WDR70: variants seen among roughly 807,000 people sequenced by gnomAD.
WDR70 encodes the protein WD repeat-containing protein 70.
In WDR70, 53 loss-of-function variants were observed where a neutral mutation model predicts 88.6. That is an observed-to-expected ratio of 0.60 (90% CI 0.48 to 0.75). The LOEUF (loss-of-function observed/expected upper bound fraction) is 0.75, where lower values mean the gene tolerates loss of function less well. Ranked by LOEUF, WDR70 falls within the 30% of genes least tolerant of loss-of-function variation. WDR70 has a pLI of 0.00. For missense variants in WDR70, 610 were observed against 823.2 expected (o/e 0.74, Z 3.17); for synonymous variants, 280 against 270.0 (o/e 1.04, Z -0.36).
At chr5:37,647,028 T>G (rs1259787884) in intron 10 of WDR70, among the ~76,000 whole-genome samples, 1 of 152,220 alleles carries the variant, frequency 6.6e-6, no homozygotes. Flanking sequence ...GGCTGTTTTC[T>G]AGATCTTATA....
rs368692970 is a variant in WDR70, at chr5:37,650,294, A to G, written c.1092+45056A>G. Among the ~76,000 whole-genome samples the G allele has an allele frequency of 1.4e-3, 219 of 151,876 alleles. 3 individuals are homozygous for G. Among genetic ancestry groups the G allele is most frequent in the African/African-American group, 5.1e-3 (211 of 41,456 alleles). The stretch of plus-strand genomic sequence containing the variant: ...TGGGCGCCTGTAGTCCCAGCTACTC[A>G]GGAGGCTGAGCGGGGAGGATGGTGT... On this transcript the variant is annotated intron_variant, in intron 10 of 17. Transcript: ENST00000265107.
At chr5:37,688,017 C>T (rs1473097096) in intron 10 of WDR70, 2 of 655,290 alleles carry the variant, frequency 3.1e-6, no homozygotes, top group Non-Finnish European at 5.6e-6. Context: ...GGTTCTTTAT[C>T]TCACTTTGTT....
intron 10 of WDR70, among the ~76,000 whole-genome samples, chr5:37,667,384 A>G (rs1236803727): frequency 6.6e-6 from 1 of 152,194 alleles, no homozygotes; most frequent in Non-Finnish European, 1.5e-5. Context: ...TGCACTGAAT[A>G]GCAACATGTT....
At chr5:37,488,921 C>G (rs1172302412) in intron 8 of WDR70, among the ~76,000 whole-genome samples, 1 of 152,162 alleles carries the variant, frequency 6.6e-6, no homozygotes, top group Non-Finnish European at 1.5e-5. Context: ...GTTACTTCTT[C>G]CAGTTTTTTG....
chr5:37,551,864 C>G (rs372126923), intron 9 of WDR70, among the ~76,000 whole-genome samples: 1 of 144,644 alleles, frequency 6.9e-6, no homozygotes, highest in Admixed American at 7.2e-5. Context: ...CTCTGCCTCC[C>G]GGGTTCAAGT....
chr5:37,467,774 T>G (rs1433347668), intron 7 of WDR70, among the ~76,000 whole-genome samples: 2 of 151,854 alleles, frequency 1.3e-5, no homozygotes, highest in Non-Finnish European at 2.9e-5. Context: ...CGGACTGCAG[T>G]GGCGCTATCT....
chr5:37,566,162 A>G (rs544649839), intron 9 of WDR70, among the ~76,000 whole-genome samples: 2 of 152,190 alleles, frequency 1.3e-5, no homozygotes, highest in Non-Finnish European at 2.9e-5. Flanking sequence ...TTTACTCTGA[A>G]TTTTAAAATG....
intron 9 of WDR70, among the ~76,000 whole-genome samples, chr5:37,564,345 G>A (rs1581398133): frequency 1.3e-5 from 2 of 152,354 alleles, no homozygotes; most frequent in South Asian, 2.1e-4. Context: ...CCAACACAGC[G>A]AAACCCCGTC....
chr5:37,650,976 T>C (rs1172511035), intron 10 of WDR70, among the ~76,000 whole-genome samples: 2 of 151,722 alleles, frequency 1.3e-5, no homozygotes, highest in East Asian at 3.9e-4. Flanking sequence ...TTTTTTTTTT[T>C]TTATACTTTA....
chr5:37,388,309 G>C (rs555854993), intron 3 of WDR70, among the ~76,000 whole-genome samples: 5 of 151,056 alleles, frequency 3.3e-5, no homozygotes, highest in African/African-American at 1.2e-4. Flanking sequence ...GTAGAGACGG[G>C]GTTTCACCAT....
At chr5:37,483,416 G>C (rs1288254643) in intron 8 of WDR70, among the ~76,000 whole-genome samples, 1 of 152,126 alleles carries the variant, frequency 6.6e-6, no homozygotes, top group Non-Finnish European at 1.5e-5. Context: ...CACAGGGTTG[G>C]GGGTAAGGTC....
At chr5:37,741,192 AAG>A (rs1198970606) in intron 17 of WDR70, among the ~76,000 whole-genome samples, 1 of 150,656 alleles carries the variant, frequency 6.6e-6, no homozygotes, top group East Asian at 2.0e-4. Context: ...TTGTCCCAGG[AAG>A]GGGATTTGTT....
At chr5:37,525,686 C>T (rs138517111) in intron 9 of WDR70, among the ~76,000 whole-genome samples, 7,433 of 152,190 alleles carry the variant, frequency 0.049, 199 homozygotes, top group South Asian at 0.071. Flanking sequence ...ATCAGTGAAT[C>T]CAGGAGCTGG....
intron 9 of WDR70, among the ~76,000 whole-genome samples, chr5:37,598,689 A>C (rs1743771937): frequency 6.6e-6 from 1 of 152,220 alleles, no homozygotes; most frequent in Non-Finnish European, 1.5e-5. Flanking sequence ...GTCTATGCCT[A>C]AAAAATGGAT....
intron 9 of WDR70, among the ~76,000 whole-genome samples, chr5:37,533,457 TCACCACCAC>T (rs35578229): frequency 0.041 from 5,754 of 141,260 alleles, 433 homozygotes; most frequent in African/African-American, 0.15. Flanking sequence ...AACAAAACAA[TCACCACCAC>T]CACCACCACC....
chr5:37,515,930 T>TTA (rs1260238538), intron 8 of WDR70, among the ~76,000 whole-genome samples: 2 of 152,230 alleles, frequency 1.3e-5, no homozygotes, highest in Admixed American at 1.3e-4. Context: ...TCACATTGTT[T>TTA]TAATTATAGT....
chr5:37,562,954 G>A (rs1450162643), intron 9 of WDR70, among the ~76,000 whole-genome samples: 1 of 150,070 alleles, frequency 6.7e-6, no homozygotes, highest in Non-Finnish European at 1.5e-5. Context: ...TTCTCAATGA[G>A]CTGTTGAGTA....
At chr5:37,473,701 T>C (rs537034510) in intron 7 of WDR70, among the ~76,000 whole-genome samples, 1 of 152,312 alleles carries the variant, frequency 6.6e-6, no homozygotes, top group South Asian at 2.1e-4. Context: ...TTACTTTTCT[T>C]CCTTTATGCT....
intron 10 of WDR70, among the ~76,000 whole-genome samples, chr5:37,607,853 G>A (rs1231576292): frequency 6.6e-6 from 1 of 152,054 alleles, no homozygotes; most frequent in Non-Finnish European, 1.5e-5. Context: ...AAGCTTCTGT[G>A]GATCTGCACT....
Sources: allele counts gnomAD v4.1 joint callset (sites outside exome capture counted in the v4.1 genomes callset), GRCh38; gene constraint gnomAD v4.1.1; transcripts MANE v1.5; gene names NCBI Gene and HGNC (gene_info 2026-07-23, HGNC 2026-07-21).